Variants in SMAD9 observed in about 807,000 individuals in gnomAD.
SMAD9 encodes SMAD family member 9, also known as MAD homolog 9.
Under a neutral mutation model 46.1 loss-of-function variants are expected in SMAD9, and 36 were observed. The observed-to-expected ratio is 0.78, with a 90% CI of 0.60 to 1.03. SMAD9 has a LOEUF of 1.03. Among genes scored for constraint, SMAD9 ranks in the 50% least tolerant of loss-of-function variants. SMAD9 has a pLI of 0.00. For synonymous variants in SMAD9, 245 were observed against 237.1 expected (o/e 1.03, Z -0.31); for missense variants, 572 against 599.8 (o/e 0.95, Z 0.48).
At chr13:36,870,573 T>C (rs913863623) in intron 3 of SMAD9, among the ~76,000 whole-genome samples, 5 of 129,652 alleles carry the variant, frequency 3.9e-5, no homozygotes, top group African/African-American at 1.3e-4. Context: ...CTGTATGTGA[T>C]GGCTCTCAAT....
chr13:36,918,374 G>C (rs1378553463), intron 1 of SMAD9, among the ~76,000 whole-genome samples: 1 of 152,180 alleles, frequency 6.6e-6, no homozygotes, highest in Non-Finnish European at 1.5e-5. Flanking sequence ...GAGAGCTCAA[G>C]CATAAAACAG....
At position 36,853,518 on chromosome 13, in the gene SMAD9, G is replaced by A; in HGVS notation, c.1161C>T (p.Asn387=). The change falls in exon 6 of 7, where the codon AAC becomes AAT. Residue 387 remains asparagine (N), a synonymous_variant. Transcript: ENST00000379826. The part of the protein sequence containing the change: ...PSGCSLKVFN[N]QLFAQLLAQS... ...GGGCCAGGAGCTGAGCGAAGAGCTG[G>A]TTGTTGAAGACCTTGAGGCTGCAGC... is the stretch of plus-strand genomic sequence containing the variant. The A allele has an allele frequency of 5.6e-6, 9 of 1,614,188 alleles. No individual in the cohort carries two copies. Among genetic ancestry groups the A allele is most frequent in the Non-Finnish European group, 7.6e-6 (9 of 1,180,026 alleles).
chr13:36,870,104 G>C (rs1482756136), intron 3 of SMAD9, among the ~76,000 whole-genome samples: 2 of 152,138 alleles, frequency 1.3e-5, no homozygotes, highest in African/African-American at 4.8e-5. Context: ...GAAGTGAAAA[G>C]GGCTATGCCT....
intron 5 of SMAD9, 33 bp from the exon 6 acceptor site, chr13:36,853,708 T>C (rs2058095852): frequency 6.2e-7 from 1 of 1,612,000 alleles, no homozygotes; most frequent in Non-Finnish European, 8.5e-7. Flanking sequence ...TTCCTTCACA[T>C]GCCCTTTCAT....
At chr13:36,903,352 C>T (rs1201842719) in intron 1 of SMAD9, among the ~76,000 whole-genome samples, 4 of 152,106 alleles carry the variant, frequency 2.6e-5, no homozygotes, top group Admixed American at 1.3e-4. Flanking sequence ...GTCTTGAACT[C>T]CTGACCTCGT....
At chr13:36,879,223 G>A in intron 2 of SMAD9, 55 bp downstream of exon 2, 1 of 1,466,020 alleles carries the variant, frequency 6.8e-7, no homozygotes, top group Non-Finnish European at 9.5e-7. Context: ...CTCCATCAAT[G>A]GGGCACACGA....
intron 1 of SMAD9, among the ~76,000 whole-genome samples, chr13:36,885,925 A>G (rs1397948884): frequency 6.6e-6 from 1 of 152,204 alleles, no homozygotes; most frequent in Non-Finnish European, 1.5e-5. Context: ...ACTAAGCTAA[A>G]GAGACTGTAG....
rs755162975 is a variant in SMAD9, at chr13:36,848,643, T to C, written c.*33A>G. The stretch of plus-strand genomic sequence containing the variant: ...ACAAGCCACTCCCTGCAATAGCCTC[T>C]ATCCTATGGAAATGCAGCTTAAGAC... On this transcript the variant is annotated 3_prime_UTR_variant, in exon 7 of 7. Coordinates refer to ENST00000379826, the MANE Select transcript of SMAD9 (RefSeq NM_001127217.3). 1.6e-5 allele frequency: 25 copies of C among 1,609,086 alleles called. No homozygotes were observed. The highest frequency in any genetic ancestry group is 2.2e-5 in the East Asian group (1 of 44,860).
chr13:36,908,800 C>T lies in SMAD9; in HGVS notation c.-187+11316G>A, dbSNP rs118047460. Among the ~76,000 whole-genome samples, 785 of 152,282 alleles carry T rather than the reference C, an allele frequency of 5.2e-3. 5 individuals carry two copies. Among genetic ancestry groups the T allele is most frequent in the Admixed American group, 7.3e-3 (112 of 15,298 alleles). The stretch of plus-strand genomic sequence containing the variant: ...GGAGGAGAAAGAACACACACAATCT[C>T]ACTGTAAAATCAGAGACTCTCCAAT... On this transcript the variant is annotated intron_variant, in intron 1 of 6. Transcript: ENST00000379826.
intron 1 of SMAD9, among the ~76,000 whole-genome samples, chr13:36,881,084 T>G (rs78603096): frequency 6.6e-6 from 1 of 152,236 alleles, no homozygotes; most frequent in East Asian, 1.9e-4. Flanking sequence ...ACATTTGTTA[T>G]TTGGCCTAAA....
At position 36,846,358 on chromosome 13, in the gene SMAD9, C is replaced by T. The variant is rs1413358312; in HGVS notation, c.*2318G>A. On this transcript the variant is annotated 3_prime_UTR_variant, in exon 7 of 7. Transcript: ENST00000379826. Reference sequence around the variant, plus strand: ...TAGCTGGGCGTGGTAGCCTGTAGTCCCAACTACTTGGGAGGCTGAGGCAGG... The same window carrying T: ...TAGCTGGGCGTGGTAGCCTGTAGTCTCAACTACTTGGGAGGCTGAGGCAGG... 1 of 151,276 alleles carries T rather than the reference C, an allele frequency of 6.6e-6. No homozygotes were observed. Among genetic ancestry groups the T allele is most frequent in the African/African-American group, 2.4e-5 (1 of 41,092 alleles). The allele number at this position is 151,276 out of a possible 1,614,324, so 9.4% of individuals were successfully genotyped here. A position where few individuals can be genotyped will look rare whatever the true frequency, so the allele number is the denominator to read the frequency against.
intron 1 of SMAD9, among the ~76,000 whole-genome samples, chr13:36,912,909 G>T (rs1186492417): frequency 6.6e-6 from 1 of 152,124 alleles, no homozygotes; most frequent in African/African-American, 2.4e-5. Context: ...ATCTATGGGG[G>T]ATTCAGTCCA....
chr13:36,848,679 A>C lies in SMAD9; in HGVS notation c.1401T>G (p.Ser467=), dbSNP rs2058051183. The change falls in exon 7 of 7, where the codon TCT becomes TCG. Residue 467 remains serine (S), a synonymous_variant. Coordinates refer to ENST00000379826, the MANE Select transcript of SMAD9 (RefSeq NM_001127217.3). ...GSPHNPISSV[S] is the part of the protein sequence containing the mutation. ...AATGCAGCTTAAGACATGACTGTTA[A>C]GACACTGAAGAAATGGGGTTATGTG... The C allele has an allele frequency of 6.2e-7, 1 of 1,614,078 alleles. No homozygotes were observed. Among genetic ancestry groups the C allele is most frequent in the Non-Finnish European group, 8.5e-7 (1 of 1,179,994 alleles).
rs1312278291 is a variant in SMAD9 at position 36,846,396 on chromosome 13, A to G, written c.*2280T>C. 1 of 147,434 alleles carries G rather than the reference A, an allele frequency of 6.8e-6. No individual in the cohort carries two copies. The highest frequency in any genetic ancestry group is 2.1e-4 in the East Asian group (1 of 4,864). 9.1% of individuals were successfully genotyped at this position (147,434 alleles called of 1,614,324 possible). A position where few individuals can be genotyped will look rare whatever the true frequency, so the allele number is the denominator to read the frequency against. On this transcript the variant is annotated 3_prime_UTR_variant, in exon 7 of 7. Coordinates refer to ENST00000379826, the MANE Select transcript of SMAD9 (RefSeq NM_001127217.3). ...AGGCTGAGGCAGGAGAATCACTCGA[A>G]CCCGGGAGGCAGAGGTTGCAGTGAG...
chr13:36,908,255 G>T (rs540940614), intron 1 of SMAD9, among the ~76,000 whole-genome samples: 1 of 152,144 alleles, frequency 6.6e-6, no homozygotes, highest in Non-Finnish European at 1.5e-5. Flanking sequence ...TACATGCCAT[G>T]AATCAGTATT....
At chr13:36,920,483 G>T (rs2058737592), upstream of SMAD9, among the ~76,000 whole-genome samples, 2 of 151,824 alleles carry the variant, frequency 1.3e-5, no homozygotes, top group Admixed American at 6.6e-5. Flanking sequence ...CTCGGTTCCC[G>T]CCTCTTCCCC....
rs1241665968 is a variant in SMAD9 at position 36,864,183 on chromosome 13, A to G, written c.1003+1354T>C. On this transcript the variant is annotated intron_variant, in intron 5 of 6. Transcript: ENST00000379826. ...AGAAACTTGTTTAGGAATTAATTCAAAGATTATTTCCTTTGAGGAATGGCT... is the reference window on the plus strand; with the variant it reads ...AGAAACTTGTTTAGGAATTAATTCAGAGATTATTTCCTTTGAGGAATGGCT... Among the ~76,000 whole-genome samples the G allele has an allele frequency of 2.6e-5, 4 of 152,238 alleles. No homozygotes were observed. The East Asian group carries it at 7.7e-4, about 29-fold the overall frequency.
chr13:36,879,342 T>A lies in SMAD9; in HGVS notation c.348A>T (p.Pro116=), dbSNP rs182137303. 7.4e-6 allele frequency: 12 copies of A among 1,614,126 alleles called. No homozygotes were observed. The highest frequency in any genetic ancestry group is 8.5e-6 in the Non-Finnish European group (10 of 1,180,024). ...ACACTTCTTTCTGCTTGGAGCCAAA[T>A]GGGAACTCACAGCACTCCAGCGGCT... ...ELKPLECCEF[P]FGSKQKEVCI... The change falls in exon 2 of 7, where the codon CCA becomes CCT. Residue 116 remains proline (P), a synonymous_variant. Transcript: ENST00000379826.
In SMAD9 at chr13:36,848,629, C is replaced by T. The variant is rs2762140; in HGVS notation, c.*47G>A. On this transcript the variant is annotated 3_prime_UTR_variant, in exon 7 of 7. Coordinates refer to ENST00000379826, the MANE Select transcript of SMAD9 (RefSeq NM_001127217.3). ...AAATCTGAAATGATACAAGCCACTC[C>T]CTGCAATAGCCTCTATCCTATGGAA... 6,234 of 1,583,340 alleles carry T rather than the reference C, an allele frequency of 3.9e-3. 226 individuals are homozygous for T. The African/African-American group carries it at 0.075, about 19-fold the overall frequency.
Sources: allele counts gnomAD v4.1 joint callset (sites outside exome capture counted in the v4.1 genomes callset), GRCh38; gene constraint gnomAD v4.1.1; transcripts MANE v1.5; gene names NCBI Gene and HGNC (gene_info 2026-07-23, HGNC 2026-07-21).